ENTPD3: variants seen among roughly 807,000 people sequenced by gnomAD.
The protein encoded by ENTPD3 is CD39 antigen-like 3.
Under a neutral mutation model 51.2 loss-of-function variants are expected in ENTPD3, and 60 were observed. That is an observed-to-expected ratio of 1.17 (90% CI 0.95 to 1.45). The LOEUF is 1.45. ENTPD3 is among the 40% of genes most tolerant of loss of function. The pLI, the probability that ENTPD3 is intolerant of heterozygous loss-of-function variation, is 0.00. For synonymous variants in ENTPD3, 221 were observed against 238.4 expected, an observed-to-expected ratio of 0.93 and a Z score of 0.67; for missense variants, 593 against 641.1, an observed-to-expected ratio of 0.93 and a Z score of 0.81.
chr3:40,411,742 T>G (rs1955635590), intron 4 of ENTPD3, 70 bp from the exon 5 acceptor site: 1 of 1,469,936 alleles, frequency 6.8e-7, no homozygotes, highest in East Asian at 2.4e-5. Context: ...AATTTGTTTT[T>G]TATTTAAAAG....
chr3:40,387,532 G>A (rs1954967496), intron 1 of ENTPD3: 1 of 155,048 alleles, frequency 6.4e-6, no homozygotes, highest in Non-Finnish European at 1.4e-5. Context: ...ACGCAGTCCA[G>A]AGAGGTGACC....
At chr3:40,406,067 C>T (rs932656740) in intron 4 of ENTPD3, among the ~76,000 whole-genome samples, 2 of 152,050 alleles carry the variant, frequency 1.3e-5, no homozygotes, top group South Asian at 2.1e-4. Context: ...GGGCATATAA[C>T]GAGTGTCAGG....
intron 5 of ENTPD3, among the ~76,000 whole-genome samples, chr3:40,413,617 G>A (rs1258215109): frequency 6.6e-6 from 1 of 151,996 alleles, no homozygotes; most frequent in African/African-American, 2.4e-5. Context: ...CCCTCCCCCA[G>A]TCTTTCAGTG....
At chr3:40,400,868 G>A (rs1955338369) in intron 3 of ENTPD3, 26 bp from the exon 4 acceptor site, 1 of 1,589,440 alleles carries the variant, frequency 6.3e-7, no homozygotes, top group African/African-American at 1.3e-5. Context: ...CGCCCATTCT[G>A]ACTCTCCCTT....
chr3:40,423,721 G>T (rs904324377), intron 9 of ENTPD3, 105 bp from the exon 10 acceptor site: 9 of 1,304,754 alleles, frequency 6.9e-6, no homozygotes, highest in Non-Finnish European at 9.5e-6. Flanking sequence ...TTTCTATTAT[G>T]AAATTATGGG....
rs763904810 is a variant in ENTPD3, at chr3:40,392,079, A to C, written c.97A>C (p.Ser33Arg). ...CATTGCCTTGGTGGTCTTGCTTGTG[A>C]GTATTGTGGTACTTGTGAGTATCAC... ...TIIALVVLLV[S>R]IVVLVSITVI... The change falls in exon 3 of 11, where the codon AGT becomes CGT. Residue 33 changes from serine (S) to arginine (R), a missense_variant. Transcript: ENST00000301825. The C allele has an allele frequency of 6.2e-7, 1 of 1,613,990 alleles. No homozygotes were observed. The highest frequency in any genetic ancestry group is 1.3e-5 in the African/African-American group (1 of 74,912).
chr3:40,423,208 C>G, intron 8 of ENTPD3, 83 bp from the exon 9 acceptor site: 1 of 1,552,522 alleles, frequency 6.4e-7, no homozygotes, highest in Non-Finnish European at 8.8e-7. Flanking sequence ...GACTTGTTAG[C>G]CACCTTCTTA....
At chr3:40,417,606 A>G (rs1375416209) in intron 7 of ENTPD3, among the ~76,000 whole-genome samples, 1 of 151,978 alleles carries the variant, frequency 6.6e-6, no homozygotes, top group Non-Finnish European at 1.5e-5. Flanking sequence ...GTCACCTTCC[A>G]TGGCTCCCAT....
intron 3 of ENTPD3, among the ~76,000 whole-genome samples, chr3:40,396,747 CT>C (rs1327077762): frequency 2.6e-5 from 4 of 152,278 alleles, no homozygotes; most frequent in Non-Finnish European, 4.4e-5. Flanking sequence ...CTCCCTACCC[CT>C]AATCATAACC....
intron 2 of ENTPD3, among the ~76,000 whole-genome samples, chr3:40,388,597 C>CACACACAT (rs1559505644): frequency 6.8e-6 from 1 of 146,848 alleles, no homozygotes; most frequent in Non-Finnish European, 1.5e-5. Flanking sequence ...CACACACACA[C>CACACACAT]ACACACACAC....
chr3:40,400,937 A>G lies in ENTPD3; in HGVS notation c.212A>G (p.Tyr71Cys), dbSNP rs1327367745. The G allele has an allele frequency of 6.2e-7, 1 of 1,613,754 alleles. No homozygotes were observed. The highest frequency in any genetic ancestry group is 8.5e-7 in the Non-Finnish European group (1 of 1,179,990). The stretch of plus-strand genomic sequence containing the variant: ...GCCGGGTCTTCAAGAACCACAGTCT[A>G]CGTGTATCAATGGCCAGCAGAAAAA... ...LDAGSSRTTVYVYQWPAEKEN... is the reference protein window; with the variant it reads ...LDAGSSRTTVCVYQWPAEKEN... The change falls in exon 4 of 11, where the codon TAC becomes TGC. Residue 71 changes from tyrosine (Y) to cysteine (C), a missense_variant. By Grantham distance (194) the Tyr-to-Cys change is radical (BLOSUM62 -2). Transcript: ENST00000301825.
At chr3:40,390,105 T>C (rs1277408246) in intron 2 of ENTPD3, among the ~76,000 whole-genome samples, 1 of 152,228 alleles carries the variant, frequency 6.6e-6, no homozygotes, top group Non-Finnish European at 1.5e-5. Context: ...TAGATATATA[T>C]TGGAATTCGA....
At chr3:40,401,434 T>C (rs554813626) in intron 4 of ENTPD3, among the ~76,000 whole-genome samples, 2 of 152,314 alleles carry the variant, frequency 1.3e-5, no homozygotes, top group South Asian at 4.1e-4. Flanking sequence ...GACGGACAGA[T>C]AGTATGCACT....
intron 6 of ENTPD3, 55 bp downstream of exon 6, chr3:40,414,895 G>A: frequency 1.3e-6 from 2 of 1,574,512 alleles, no homozygotes; most frequent in Non-Finnish European, 1.7e-6. Flanking sequence ...TATCCCCTGT[G>A]AGTGATAGCC....
chr3:40,400,894 T>C lies in ENTPD3; in HGVS notation c.169T>C (p.Tyr57His), dbSNP rs761310856. The change falls in exon 4 of 11, where the codon TAT becomes CAT. Residue 57 changes from tyrosine (Y) to histidine (H), a missense_variant and splice_region_variant. Physicochemically the swap from Tyr to His is moderately conservative, Grantham distance 83. Transcript: ENST00000301825. ...KQEVLPPGLK[Y>H]GIVLDAGSSR... ...ACTCTCCCTTTCCCTTTTTATTCAGTATGGTATTGTGCTGGATGCCGGGTC... is the reference window on the plus strand; with the variant it reads ...ACTCTCCCTTTCCCTTTTTATTCAGCATGGTATTGTGCTGGATGCCGGGTC... 1.2e-6 allele frequency: 2 copies of C among 1,611,688 alleles called. No homozygotes were observed. The highest frequency in any genetic ancestry group is 1.1e-5 in the South Asian group (1 of 90,982).
intron 4 of ENTPD3, among the ~76,000 whole-genome samples, chr3:40,401,990 CAT>C (rs936740298): frequency 3.3e-5 from 5 of 151,786 alleles, no homozygotes; most frequent in African/African-American, 1.2e-4. Context: ...CAAAATTAAA[CAT>C]GTATTTATAT....
intron 4 of ENTPD3, among the ~76,000 whole-genome samples, chr3:40,402,222 G>A (rs1025779636): frequency 1.0e-4 from 15 of 143,768 alleles, no homozygotes; most frequent in Non-Finnish European, 1.9e-4. Flanking sequence ...GGGTTCAAGC[G>A]ATTCTCCTGC....
At position 40,422,902 on chromosome 3, in the gene ENTPD3, G is replaced by C. The variant is rs114446302; in HGVS notation, c.884G>C (p.Ser295Thr). Reference sequence around the variant, plus strand: ...AATCCCTGTTACCCTCGGGATTATAGCATCAGCTTCACCATGGGCCATGTA... The same window carrying C: ...AATCCCTGTTACCCTCGGGATTATACCATCAGCTTCACCATGGGCCATGTA... ...LTNPCYPRDY[S>T]ISFTMGHVFD... The change falls in exon 8 of 11, where the codon AGC (serine) becomes ACC (threonine). Residue 295 changes from serine (S) to threonine (T), a missense_variant. Transcript: ENST00000301825. 1.1e-4 allele frequency: 185 copies of C among 1,613,914 alleles called. No homozygotes were observed. In the African/African-American group the frequency reaches 2.2e-3, roughly 19 times the overall value.
intron 2 of ENTPD3, 112 bp downstream of exon 2, chr3:40,388,209 T>C (rs757060092): frequency 1.3e-5 from 13 of 1,026,566 alleles, no homozygotes; most frequent in Admixed American, 1.7e-5. Context: ...TTTAACTTTA[T>C]TGGTTTGAGA....
Sources: gnomAD v4.1 joint callset for allele counts (sites outside exome capture counted in the v4.1 genomes callset) on GRCh38, gnomAD v4.1.1 for gene constraint, MANE v1.5 for transcripts, NCBI Gene and HGNC (gene_info 2026-07-23, HGNC 2026-07-21) for gene names.